The following IGSF9B variants were observed in gnomAD, a reference collection of about 807,000 sequenced individuals.
IGSF9B encodes protein turtle homolog B.
In IGSF9B, 48 loss-of-function variants were observed where a neutral mutation model predicts 143.7. That is an observed-to-expected ratio of 0.33 (90% CI 0.26 to 0.42). The LOEUF (loss-of-function observed/expected upper bound fraction) is 0.42, where lower values mean the gene tolerates loss of function less well. Ranked by LOEUF, IGSF9B falls within the 20% of genes least tolerant of loss-of-function variation. The pLI, the probability that IGSF9B is intolerant of heterozygous loss-of-function variation, is 1.00. For synonymous variants in IGSF9B, 903 were observed against 833.1 expected, an observed-to-expected ratio of 1.08 and a Z score of -1.44; for missense variants, 1,706 against 1,980.0, an observed-to-expected ratio of 0.86 and a Z score of 2.63.
intron 18 of IGSF9B, among the ~76,000 whole-genome samples, chr11:133,914,901 C>G (rs1410146205): frequency 6.6e-6 from 1 of 152,198 alleles, no homozygotes; most frequent in Non-Finnish European, 1.5e-5. Context: ...GTTGCCAACG[C>G]CAGCCCCACC....
chr11:133,913,064 C>G lies in IGSF9B; in HGVS notation c.3984-1057G>C. The stretch of plus-strand genomic sequence containing the variant: ...CTTCTCAAAGTAACCCAACTCGGAG[C>G]CTGAGGAATGAAGGGGAAAGAGAAA... On this transcript the variant is annotated intron_variant, in intron 18 of 19. Coordinates refer to ENST00000533871, the MANE Select transcript of IGSF9B (RefSeq NM_001277285.4). This position sits in a 1 kb window ranked among gnomAD's most constrained non-coding sequence, Gnocchi z 4.6. Among the ~76,000 whole-genome samples the G allele has an allele frequency of 6.6e-6, 1 of 152,096 alleles. No homozygotes were observed. Among genetic ancestry groups the G allele is most frequent in the East Asian group, 1.9e-4 (1 of 5,182 alleles).
Position 133,921,159 on chromosome 11 carries a change from C to T in IGSF9B, c.2566G>A (p.Gly856Ser). The change falls in exon 18 of 20, where the codon GGC (glycine) becomes AGC (serine). Residue 856 changes from glycine to serine, a missense_variant. By Grantham distance (56) the Gly-to-Ser change is moderately conservative. Around this residue, in one of 7 missense-constraint regions of IGSF9B, gnomAD observed 135 missense variants for 181.3 expected, o/e 0.74. Coordinates refer to ENST00000533871, the MANE Select transcript of IGSF9B (RefSeq NM_001277285.4). ...TCGGCAGGGTCCATCACGAAGCGGCCGTCAGGGCCTCTGCTGATGAGCTCG... is the reference window on the plus strand; with the variant it reads ...TCGGCAGGGTCCATCACGAAGCGGCTGTCAGGGCCTCTGCTGATGAGCTCG... The part of the protein sequence containing the change: ...PIELISRGPD[G>S]RFVMDPAEME... 1 of 1,612,298 alleles carries T rather than the reference C, an allele frequency of 6.2e-7. No homozygotes were observed. Among genetic ancestry groups the T allele is most frequent in the Non-Finnish European group, 8.5e-7 (1 of 1,179,074 alleles).
chr11:133,933,285 T>C (rs189214628), intron 7 of IGSF9B, among the ~76,000 whole-genome samples: 19 of 152,090 alleles, frequency 1.2e-4, no homozygotes, highest in African/African-American at 4.3e-4. Flanking sequence ...CCCCAACAGC[T>C]CCTTATCCCA....
Position 133,956,799 on chromosome 11 carries a change from T to G in IGSF9B, c.-45A>C. ...GGAGCCTCATCCTATCGCAAAGTGC[T>G]CCCGCGCCCGCACGCGCCTCGCGCC... On this transcript the variant is annotated 5_prime_UTR_variant, in exon 1 of 20. Transcript: ENST00000533871. The G allele has an allele frequency of 8.0e-7, 1 of 1,255,984 alleles. No individual in the cohort carries two copies. The highest frequency in any genetic ancestry group is 3.4e-5 in the East Asian group (1 of 29,832). 77.8% of individuals were successfully genotyped at this position (1,255,984 alleles called of 1,614,324 possible).
At chr11:133,917,233 C>T (rs1441348314) in intron 18 of IGSF9B, among the ~76,000 whole-genome samples, 3 of 152,188 alleles carry the variant, frequency 2.0e-5, no homozygotes, top group South Asian at 2.1e-4. Context: ...CCGTGGCGAG[C>T]GGCAGCACCT....
Position 133,937,390 on chromosome 11 carries a change from T to C in IGSF9B, c.665A>G (p.His222Arg). The change falls in exon 5 of 20, where the codon CAC becomes CGC. Residue 222 changes from histidine to arginine, a missense_variant. Transcript: ENST00000533871. ...SIQGEAVHTTHLLVQGPPFIV... is the reference protein window; with the variant it reads ...SIQGEAVHTTRLLVQGPPFIV... ...ATGGCTCCTACCTTGGACAAGCAGGTGAGTCGTGTGGACAGCCTCCCCCTG... is the reference window on the plus strand; with the variant it reads ...ATGGCTCCTACCTTGGACAAGCAGGCGAGTCGTGTGGACAGCCTCCCCCTG... 1.2e-6 allele frequency: 2 copies of C among 1,610,966 alleles called. No individual in the cohort carries two copies. The highest frequency in any genetic ancestry group is 1.7e-6 in the Non-Finnish European group (2 of 1,177,514).
At position 133,937,710 on chromosome 11, in the gene IGSF9B, G is replaced by C. The variant is rs965600676; in HGVS notation, c.561+100C>G. ...AGGCTACGGCTTTCCAGCCTCCTCT[G>C]TGCTTGTGCCTGTAGCATCAGGGGT... On this transcript the variant is annotated intron_variant, in intron 4 of 19. Transcript: ENST00000533871. 3.6e-6 allele frequency: 5 copies of C among 1,403,528 alleles called. No homozygotes were observed. The African/African-American group carries it at 7.1e-5, about 20-fold the overall frequency. The allele number at this position is 1,403,528 out of a possible 1,614,324, so 86.9% of individuals were successfully genotyped here.
intron 18 of IGSF9B, among the ~76,000 whole-genome samples, chr11:133,916,282 A>G (rs1939380929): frequency 6.6e-6 from 1 of 152,170 alleles, no homozygotes; most frequent in African/African-American, 2.4e-5. Flanking sequence ...AGGGAGAGAG[A>G]AAGGAGGAGA....
In IGSF9B at chr11:133,945,349, T is replaced by G. The variant is rs559147378; in HGVS notation, c.262+712A>C. On this transcript the variant is annotated intron_variant, in intron 2 of 19. Coordinates refer to ENST00000533871, the MANE Select transcript of IGSF9B (RefSeq NM_001277285.4). The surrounding 1 kb of genome is among the most constrained non-coding windows in gnomAD (Gnocchi z 4.6). ...GAAAGAGGGACAGAGACGGAAGCAT[T>G]CTGAGAAAGGCAGGGCAGACCTCAG... 6.6e-6 allele frequency among the ~76,000 whole-genome samples: 1 copy of G among 152,272 alleles called. No individual in the cohort carries two copies. Among genetic ancestry groups the G allele is most frequent in the East Asian group, 1.9e-4 (1 of 5,162 alleles).
At position 133,910,641 on chromosome 11, in the gene IGSF9B, C is replaced by T. The variant is rs12281504; in HGVS notation, c.4105+1245G>A. On this transcript the variant is annotated intron_variant, in intron 19 of 19. Transcript: ENST00000533871. ...AAGGCGTATGAAACACCCAAGTGCA[C>T]GTTCAGCTGGCAACTGGAAATATCA... 2.8e-3 allele frequency among the ~76,000 whole-genome samples: 421 copies of T among 152,200 alleles called. 1 individual carries two copies. The highest frequency in any genetic ancestry group is 4.6e-3 in the Admixed American group (70 of 15,296).
At chr11:133,935,494 C>T (rs1939805398) in intron 7 of IGSF9B, 123 bp downstream of exon 7, 4 of 1,137,868 alleles carry the variant, frequency 3.5e-6, no homozygotes, top group Admixed American at 2.6e-5. Flanking sequence ...TTCTCTTATT[C>T]GCTCCTCCAC....
rs1939256930 is a variant in IGSF9B, at chr11:133,908,965, T to C, written c.*104A>G. ...AAAGAGGGGGCATGCAGGACAAAGG[T>C]CTGGGCCGCCCTTGGCAGACGGAGG... is the stretch of plus-strand genomic sequence containing the variant. On this transcript the variant is annotated 3_prime_UTR_variant, in exon 20 of 20. Transcript: ENST00000533871. The C allele has an allele frequency of 9.9e-7, 1 of 1,006,014 alleles. No individual in the cohort carries two copies. The highest frequency in any genetic ancestry group is 2.2e-5 in the Admixed American group (1 of 45,908). The allele number at this position is 1,006,014 out of a possible 1,614,324, so 62.3% of individuals were successfully genotyped here.
chr11:133,923,598 T>C (rs896955263), intron 15 of IGSF9B, among the ~76,000 whole-genome samples: 1 of 152,244 alleles, frequency 6.6e-6, no homozygotes, highest in Non-Finnish European at 1.5e-5. Flanking sequence ...CGATAGATTG[T>C]AACGTATTTG....
intron 3 of IGSF9B, among the ~76,000 whole-genome samples, chr11:133,939,374 T>G (rs1217491072): frequency 2.6e-5 from 4 of 152,266 alleles, no homozygotes; most frequent in African/African-American, 9.6e-5. Flanking sequence ...TGTCTCTCTC[T>G]GTGTGTTTAC....
In IGSF9B at chr11:133,904,111, T is replaced by G. The variant is rs748578125; in HGVS notation, c.*4958A>C. ...AAGAGAAGGCCTCACGAAGCCACTG[T>G]GCAACTTCATGGCCGGAAGGAAGCC... On this transcript the variant is annotated 3_prime_UTR_variant, in exon 20 of 20. Transcript: ENST00000533871. 5.9e-5 allele frequency among the ~76,000 whole-genome samples: 9 copies of G among 152,110 alleles called. No homozygotes were observed. The highest frequency in any genetic ancestry group is 1.2e-4 in the Non-Finnish European group (8 of 68,026).
Position 133,945,324 on chromosome 11 carries a change from G to A in IGSF9B, c.262+737C>T, listed in dbSNP as rs1033026841. Reference sequence around the variant, plus strand: ...GAGCATGAGACATGGGCACAGGAGCGAAAGAGGGACAGAGACGGAAGCATT... The same window carrying A: ...GAGCATGAGACATGGGCACAGGAGCAAAAGAGGGACAGAGACGGAAGCATT... On this transcript the variant is annotated intron_variant, in intron 2 of 19. Coordinates refer to ENST00000533871, the MANE Select transcript of IGSF9B (RefSeq NM_001277285.4). The surrounding 1 kb of genome is among the most constrained non-coding windows in gnomAD (Gnocchi z 4.6). Among the ~76,000 whole-genome samples, 5 of 152,180 alleles carry A rather than the reference G, an allele frequency of 3.3e-5. No homozygotes were observed. Among genetic ancestry groups the A allele is most frequent in the Non-Finnish European group, 5.9e-5 (4 of 68,034 alleles).
At position 133,908,047 on chromosome 11, in the gene IGSF9B, T is replaced by C. The variant is rs528752676; in HGVS notation, c.*1022A>G. ...ACAGAGTGCTGAGCCGGGGACGGTA[T>C]AAATAGAGCCGGCAGCTTGGCGCTA... On this transcript the variant is annotated 3_prime_UTR_variant, in exon 20 of 20. Coordinates refer to ENST00000533871, the MANE Select transcript of IGSF9B (RefSeq NM_001277285.4). 1.3e-5 allele frequency among the ~76,000 whole-genome samples: 2 copies of C among 152,300 alleles called. No homozygotes were observed. The highest frequency in any genetic ancestry group is 2.1e-4 in the South Asian group (1 of 4,826).
Position 133,922,241 on chromosome 11 carries a change from G to C in IGSF9B, c.2282-19C>G. ...GGAGGGTCTGGAAGGAAAGAGAAGG[G>C]GAGAGGCTGCTGAGGCCAAGCCAGC... On this transcript the variant is annotated intron_variant, in intron 16 of 19. Coordinates refer to ENST00000533871, the MANE Select transcript of IGSF9B (RefSeq NM_001277285.4). The C allele has an allele frequency of 6.2e-7, 1 of 1,610,456 alleles. No homozygotes were observed. Among genetic ancestry groups the C allele is most frequent in the Non-Finnish European group, 8.5e-7 (1 of 1,178,230 alleles).
intron 18 of IGSF9B, chr11:133,912,332 A>C (rs1348261783): frequency 3.9e-6 from 2 of 506,582 alleles, no homozygotes; most frequent in Non-Finnish European, 7.7e-6. Context: ...ATTTAGTGTC[A>C]GAGACAGAAG....
Sources: gnomAD v4.1 joint callset for allele counts (sites outside exome capture counted in the v4.1 genomes callset) on GRCh38, gnomAD v4.1.1 for gene constraint, gnomAD v4.1.1 regional missense constraint, Gnocchi (gnomAD v3.1) non-coding constraint, MANE v1.5 for transcripts, NCBI Gene and HGNC (gene_info 2026-07-23, HGNC 2026-07-21) for gene names.